The following SYN3 variants were observed in gnomAD, a reference collection of about 807,000 sequenced individuals.
The protein encoded by SYN3 is synapsin III.
In SYN3, 35 loss-of-function variants were observed where a neutral mutation model predicts 65.8. The observed-to-expected ratio is 0.53, with a 90% confidence interval of 0.41 to 0.70. SYN3 has a LOEUF of 0.70. SYN3 is among the 30% of genes least tolerant of loss of function. The pLI is 0.00. For missense variants in SYN3, 680 were observed against 749.0 expected, an observed-to-expected ratio of 0.91 and a Z score of 1.08; for synonymous variants, 270 against 292.9, an observed-to-expected ratio of 0.92 and a Z score of 0.80.
chr22:32,647,568 T>A (rs1416981080), intron 6 of SYN3, among the ~76,000 whole-genome samples: 1 of 151,888 alleles, frequency 6.6e-6, no homozygotes, highest in African/African-American at 2.4e-5. Flanking sequence ...TGCCTCAGAC[T>A]CCTGAGTAGC....
chr22:32,676,905 G>A (rs912762910), intron 6 of SYN3, among the ~76,000 whole-genome samples: 34 of 152,202 alleles, frequency 2.2e-4, no homozygotes, highest in Non-Finnish European at 3.8e-4. Context: ...TCTACATGAT[G>A]TCATCACATC....
chr22:32,930,490 G>A (rs1182928759), intron 4 of SYN3, among the ~76,000 whole-genome samples: 1 of 152,038 alleles, frequency 6.6e-6, no homozygotes, highest in Non-Finnish European at 1.5e-5. Context: ...CATGAAAAAG[G>A]ACTAATATAC....
intron 1 of SYN3, among the ~76,000 whole-genome samples, chr22:33,034,619 A>T (rs1201736080): frequency 6.6e-6 from 1 of 152,090 alleles, no homozygotes; most frequent in Non-Finnish European, 1.5e-5. Flanking sequence ...AAATAACTAA[A>T]TAATAAGAAC....
chr22:32,735,544 T>C (rs1000205441), intron 6 of SYN3, among the ~76,000 whole-genome samples: 2 of 152,122 alleles, frequency 1.3e-5, no homozygotes, highest in African/African-American at 4.8e-5. Context: ...TGTTTGTTTG[T>C]TTTTTCCCCC....
intron 6 of SYN3, among the ~76,000 whole-genome samples, chr22:32,749,303 C>A (rs901883086): frequency 3.3e-5 from 4 of 121,084 alleles, no homozygotes; most frequent in Admixed American, 2.8e-4. Flanking sequence ...AAAGCCCCCC[C>A]CCCACCCCAA....
chr22:32,692,978 A>C (rs899844725), intron 6 of SYN3, among the ~76,000 whole-genome samples: 2 of 152,180 alleles, frequency 1.3e-5, no homozygotes, highest in Non-Finnish European at 2.9e-5. Context: ...AAATAAGCAT[A>C]CATAAGGACG....
At chr22:32,834,934 A>G (rs1454241763) in intron 6 of SYN3, among the ~76,000 whole-genome samples, 1 of 152,204 alleles carries the variant, frequency 6.6e-6, no homozygotes, top group African/African-American at 2.4e-5. Flanking sequence ...TTCAGTCAGA[A>G]TGAACTAGTG....
At chr22:32,851,093 G>A (rs534747182) in intron 6 of SYN3, among the ~76,000 whole-genome samples, 3 of 152,264 alleles carry the variant, frequency 2.0e-5, no homozygotes, top group Non-Finnish European at 4.4e-5. Flanking sequence ...AGACAGCCCT[G>A]GGGAGAGAAA....
At chr22:32,551,474 T>C (rs1369789739) in intron 7 of SYN3, among the ~76,000 whole-genome samples, 1 of 150,416 alleles carries the variant, frequency 6.6e-6, no homozygotes, top group Non-Finnish European at 1.5e-5. Flanking sequence ...AATTAGCATG[T>C]AGGAAATTCT....
intron 3 of SYN3, among the ~76,000 whole-genome samples, chr22:32,976,518 G>A (rs2052191882): frequency 6.6e-6 from 1 of 152,096 alleles, no homozygotes; most frequent in Admixed American, 6.5e-5. Context: ...CAACCTCACT[G>A]CTTGGTCCCA....
intron 3 of SYN3, among the ~76,000 whole-genome samples, chr22:32,961,894 T>A (rs1292561402): frequency 6.6e-6 from 1 of 152,272 alleles, no homozygotes; most frequent in African/African-American, 2.4e-5. Context: ...ATTCTGTGAA[T>A]AGAGAAACAT....
intron 4 of SYN3, among the ~76,000 whole-genome samples, chr22:32,896,802 C>T (rs1366710968): frequency 6.6e-6 from 1 of 152,170 alleles, no homozygotes; most frequent in Non-Finnish European, 1.5e-5. Context: ...TCTCCTTTTA[C>T]AGTTGAAAGG....
chr22:32,587,091 C>T (rs1177849889), intron 7 of SYN3, among the ~76,000 whole-genome samples: 1 of 151,722 alleles, frequency 6.6e-6, no homozygotes, highest in Admixed American at 6.6e-5. Flanking sequence ...GCATGGTGGC[C>T]TGCGTCTGTA....
intron 1 of SYN3, among the ~76,000 whole-genome samples, chr22:33,027,633 C>T (rs1200390075): frequency 2.1e-5 from 2 of 94,856 alleles, no homozygotes; most frequent in African/African-American, 8.9e-5. Flanking sequence ...GACAGACAGA[C>T]AGACAGAGAG....
chr22:32,779,061 A>G (rs2045972432), intron 6 of SYN3, among the ~76,000 whole-genome samples: 1 of 152,228 alleles, frequency 6.6e-6, no homozygotes, highest in Non-Finnish European at 1.5e-5. Flanking sequence ...CATTAATCAA[A>G]TAATCATCCA....
At chr22:32,643,320 C>T (rs969636151) in intron 6 of SYN3, among the ~76,000 whole-genome samples, 4 of 152,198 alleles carry the variant, frequency 2.6e-5, no homozygotes, top group Middle Eastern at 3.4e-3. Flanking sequence ...CCTTGTGACC[C>T]ACCCACCTCG....
chr22:32,995,132 G>A (rs557989901), intron 2 of SYN3, among the ~76,000 whole-genome samples: 4 of 152,052 alleles, frequency 2.6e-5, no homozygotes, highest in South Asian at 4.2e-4. Context: ...TGCTGGTGGC[G>A]GACAGCCCTC....
At chr22:32,514,896 G>A (rs1318333034) in intron 13 of SYN3, among the ~76,000 whole-genome samples, 1 of 152,128 alleles carries the variant, frequency 6.6e-6, no homozygotes, top group Non-Finnish European at 1.5e-5. Flanking sequence ...TGCGCCTGTA[G>A]TCCCAGCTAC....
intron 4 of SYN3, among the ~76,000 whole-genome samples, chr22:32,907,738 T>G (rs1231203648): frequency 6.6e-6 from 1 of 152,206 alleles, no homozygotes; most frequent in African/African-American, 2.4e-5. Context: ...CTAAAAACCT[T>G]GCTCTAATGG....
Sources: gnomAD v4.1 joint callset for allele counts (sites outside exome capture counted in the v4.1 genomes callset) on GRCh38, gnomAD v4.1.1 for gene constraint, MANE v1.5 for transcripts, NCBI Gene and HGNC (gene_info 2026-07-23, HGNC 2026-07-21) for gene names.